Variants in TRIP4 observed in about 807,000 individuals in gnomAD.
The protein encoded by TRIP4 is activating signal cointegrator 1.
TRIP4 carries 54 observed loss-of-function variants against 81.8 expected under a neutral mutation model. The ratio of observed to expected loss-of-function variants is 0.66; its 90% CI spans 0.53 to 0.83. The LOEUF is 0.83. Ranked by LOEUF, TRIP4 falls within the 40% of genes least tolerant of loss-of-function variation. TRIP4 has a pLI of 0.00. For synonymous variants in TRIP4, 270 were observed against 242.8 expected, an observed-to-expected ratio of 1.11 and a Z score of -1.04; for missense variants, 662 against 683.6, an observed-to-expected ratio of 0.97 and a Z score of 0.35.
chr15:64,438,002 C>T (rs755645776), intron 11 of TRIP4, among the ~76,000 whole-genome samples: 9 of 152,174 alleles, frequency 5.9e-5, no homozygotes, highest in Admixed American at 1.3e-4. Flanking sequence ...AGTAATTTTA[C>T]TGGATATGAA....
intron 11 of TRIP4, among the ~76,000 whole-genome samples, chr15:64,431,831 T>TCA (rs1555411154): frequency 4.7e-5 from 2 of 42,434 alleles, no homozygotes; most frequent in Non-Finnish European, 8.2e-5. Context: ...ACCATTTATA[T>TCA]TATATATATA....
chr15:64,429,944 C>A (rs1566981214), intron 11 of TRIP4, among the ~76,000 whole-genome samples: 1 of 152,074 alleles, frequency 6.6e-6, no homozygotes, highest in Non-Finnish European at 1.5e-5. Context: ...TCTTTTCCCC[C>A]CAAAATTCAG....
At chr15:64,450,564 G>A (rs1892735830) in intron 12 of TRIP4, 21 of 415,630 alleles carry the variant, frequency 5.1e-5, no homozygotes, top group South Asian at 3.6e-4. Context: ...TGGCCCAAGA[G>A]TTGCCTCTAT....
At chr15:64,428,038 T>C (rs973868991) in intron 11 of TRIP4, among the ~76,000 whole-genome samples, 2 of 152,078 alleles carry the variant, frequency 1.3e-5, no homozygotes, top group African/African-American at 4.8e-5. Context: ...AGATTCACAG[T>C]CGTTAACAGC....
At chr15:64,390,200 G>A (rs547509080) in intron 1 of TRIP4, among the ~76,000 whole-genome samples, 2 of 150,658 alleles carry the variant, frequency 1.3e-5, no homozygotes, top group South Asian at 4.2e-4. Flanking sequence ...AGTGGTTCAT[G>A]TGTGTAATCT....
rs59296533 is a variant in TRIP4, at chr15:64,426,993, C to T, written c.1575+1362C>T. 3.6e-3 allele frequency among the ~76,000 whole-genome samples: 541 copies of T among 151,864 alleles called. 1 individual carries two copies. The highest frequency in any genetic ancestry group is 0.011 in the African/African-American group (468 of 41,446). ...CCAGCCTGGGCAACAGAGCAAGGCTCTGTCTCAAAAAAAAGAAAAAAAAAA... is the reference window on the plus strand; with the variant it reads ...CCAGCCTGGGCAACAGAGCAAGGCTTTGTCTCAAAAAAAAGAAAAAAAAAA... On this transcript the variant is annotated intron_variant, in intron 11 of 12. Coordinates refer to ENST00000261884, the MANE Select transcript of TRIP4 (RefSeq NM_016213.5).
intron 9 of TRIP4, among the ~76,000 whole-genome samples, chr15:64,423,002 C>T (rs764025651): frequency 6.6e-6 from 1 of 152,128 alleles, no homozygotes; most frequent in Non-Finnish European, 1.5e-5. Flanking sequence ...GATATATTAT[C>T]AAGGTACTTT....
chr15:64,426,699 CAAAAAAA>C (rs35662517), intron 11 of TRIP4, among the ~76,000 whole-genome samples: 1 of 77,020 alleles, frequency 1.3e-5, no homozygotes, highest in African/African-American at 4.8e-5. Context: ...GACTCTGTCT[CAAAAAAA>C]AAAAAAAAAA....
At chr15:64,453,529 G>A (rs1434568267) in intron 12 of TRIP4, among the ~76,000 whole-genome samples, 1 of 152,216 alleles carries the variant, frequency 6.6e-6, no homozygotes, top group Non-Finnish European at 1.5e-5. Flanking sequence ...GCTGGCACAT[G>A]TTCAGGTTTT....
At chr15:64,424,257 A>G (rs1165916682) in intron 10 of TRIP4, 102 bp downstream of exon 10, 2 of 1,516,766 alleles carry the variant, frequency 1.3e-6, no homozygotes, top group African/African-American at 1.4e-5. Flanking sequence ...TCTTTGTTAA[A>G]AGAGACTTTT....
chr15:64,448,436 A>G (rs1182889914), intron 12 of TRIP4, among the ~76,000 whole-genome samples: 1 of 152,132 alleles, frequency 6.6e-6, no homozygotes, highest in Non-Finnish European at 1.5e-5. Context: ...AGACTAGACA[A>G]GGTTAAAAAT....
rs1354902086 is a variant in TRIP4 at position 64,418,568 on chromosome 15, CAGA to C, written c.1204_1206del (p.Lys402del). The C allele has an allele frequency of 6.2e-7, 1 of 1,612,880 alleles. No individual in the cohort carries two copies. The highest frequency in any genetic ancestry group is 8.5e-7 in the Non-Finnish European group (1 of 1,179,956). On this transcript the variant is annotated inframe_deletion, in exon 9 of 13. Transcript: ENST00000261884. ...GGTTGACCACACAGGTGCAGCCTCA[CAGA>C]AGAAGGCTTTCCGTTCTTCAGGATT...
At chr15:64,440,858 A>C (rs138191919) in intron 11 of TRIP4, among the ~76,000 whole-genome samples, 99 of 152,352 alleles carry the variant, frequency 6.5e-4, no homozygotes, top group Admixed American at 6.2e-3. Flanking sequence ...TTGCCAAGAC[A>C]CAAGCTTAGG....
intron 1 of TRIP4, among the ~76,000 whole-genome samples, chr15:64,389,853 C>A (rs1158607471): frequency 1.3e-5 from 2 of 150,744 alleles, no homozygotes; most frequent in Non-Finnish European, 3.0e-5. Flanking sequence ...AGGCGCGCAC[C>A]ACCATGCCTG....
chr15:64,452,606 G>A (rs1035953241), intron 12 of TRIP4, among the ~76,000 whole-genome samples: 1 of 152,284 alleles, frequency 6.6e-6, no homozygotes, highest in South Asian at 2.1e-4. Flanking sequence ...AATTCTGTGT[G>A]TTAGTAAGGG....
chr15:64,410,555 T>G (rs1405768581), intron 7 of TRIP4, among the ~76,000 whole-genome samples: 1 of 152,208 alleles, frequency 6.6e-6, no homozygotes, highest in African/African-American at 2.4e-5. Context: ...ATCTAGGTAA[T>G]GTCTTTATCT....
At chr15:64,413,919 G>T (rs1382909780) in intron 7 of TRIP4, among the ~76,000 whole-genome samples, 166 bp from the exon 8 acceptor site, 1 of 152,150 alleles carries the variant, frequency 6.6e-6, no homozygotes, top group East Asian at 1.9e-4. Context: ...TATTCCTTAG[G>T]GTTTTTGGTG....
rs768479725 is a variant in TRIP4, at chr15:64,387,912, A to G, written c.49A>G (p.Thr17Ala). The G allele has an allele frequency of 2.6e-5, 40 of 1,550,576 alleles. No homozygotes were observed. The highest frequency in any genetic ancestry group is 3.5e-5 in the Non-Finnish European group (40 of 1,147,098). Residue 17 changes from threonine to alanine, a missense_variant, in exon 1 of 13, where the codon ACC (threonine) becomes GCC (alanine). By Grantham distance (58) the Thr-to-Ala change is moderately conservative. Coordinates refer to ENST00000261884, the MANE Select transcript of TRIP4 (RefSeq NM_016213.5). ...CGGGGAGCCGCTGGTGCACTGGTGCACCCAGCAGTTGCGGAAGACTTTCGG... is the reference window on the plus strand; with the variant it reads ...CGGGGAGCCGCTGGTGCACTGGTGCGCCCAGCAGTTGCGGAAGACTTTCGG... The part of the protein sequence containing the change: ...VSGEPLVHWC[T>A]QQLRKTFGLD...
At chr15:64,449,262 T>C (rs901379033) in intron 12 of TRIP4, among the ~76,000 whole-genome samples, 1 of 151,822 alleles carries the variant, frequency 6.6e-6, no homozygotes, top group South Asian at 2.1e-4. Context: ...CACTGTGGCT[T>C]AAATGTTTGT....
Sources: allele counts gnomAD v4.1 joint callset (sites outside exome capture counted in the v4.1 genomes callset), GRCh38; gene constraint gnomAD v4.1.1; transcripts MANE v1.5; gene names NCBI Gene and HGNC (gene_info 2026-07-23, HGNC 2026-07-21).